The following RPRD1A variants were observed in gnomAD, a reference collection of about 807,000 sequenced individuals.
RPRD1A encodes the protein regulation of nuclear pre-mRNA domain-containing protein 1A.
Under a neutral mutation model 37.8 loss-of-function variants are expected in RPRD1A, and 9 were observed. The observed-to-expected ratio is 0.24, with a 90% CI of 0.14 to 0.42. The LOEUF is 0.42. Among genes scored for constraint, RPRD1A ranks in the 10% least tolerant of loss-of-function variants. The pLI is 1.00. For synonymous variants in RPRD1A, 138 were observed against 139.7 expected, an observed-to-expected ratio of 0.99 and a Z score of 0.08; for missense variants, 255 against 371.0, an observed-to-expected ratio of 0.69 and a Z score of 2.57.
chr18:36,027,068 T>A lies in RPRD1A; in HGVS notation c.621A>T (p.Glu207Asp). The A allele has an allele frequency of 6.2e-7, 1 of 1,613,884 alleles. No individual in the cohort carries two copies. The highest frequency in any genetic ancestry group is 8.5e-7 in the Non-Finnish European group (1 of 1,179,820). ...CCATTTTGGAAAGCCTTTCTCCAGA[T>A]TCTTTATCTAAGAAAAGCACGGGAT... ...VSLLDKITDK[E>D]SGERLSKMVE... Residue 207 changes from glutamate (E) to aspartate (D), a missense_variant, in exon 6 of 7, where the codon GAA becomes GAT. By Grantham distance (45) the Glu-to-Asp change is conservative (BLOSUM62 2). This residue lies in a region of RPRD1A where 211 missense variants were observed against 268.9 expected (regional missense o/e 0.78). Transcript: ENST00000399022.
intron 6 of RPRD1A, among the ~76,000 whole-genome samples, chr18:36,021,154 T>C (rs1910966736): frequency 6.6e-6 from 1 of 152,200 alleles, no homozygotes; most frequent in Non-Finnish European, 1.5e-5. Flanking sequence ...AGCTGCATCT[T>C]ACCAAATTCT....
intron 2 of RPRD1A, among the ~76,000 whole-genome samples, chr18:36,032,445 G>C (rs954214905): frequency 3.9e-5 from 6 of 152,198 alleles, no homozygotes; most frequent in Non-Finnish European, 8.8e-5. Context: ...ACAGAGGTCT[G>C]GGGAGATAGG....
intron 1 of RPRD1A, among the ~76,000 whole-genome samples, chr18:36,035,272 T>C (rs1912109267): frequency 6.6e-6 from 1 of 152,146 alleles, no homozygotes; most frequent in Non-Finnish European, 1.5e-5. Flanking sequence ...ATTATCTAAT[T>C]GGGAGATTGC....
chr18:36,043,195 TC>T (rs1285928747), intron 1 of RPRD1A, among the ~76,000 whole-genome samples: 20 of 50,062 alleles, frequency 4.0e-4, no homozygotes, highest in South Asian at 2.6e-3. Context: ...TCAAGAAGAA[TC>T]GGGGGGGGGG....
intron 6 of RPRD1A, among the ~76,000 whole-genome samples, chr18:35,996,093 GAAT>G (rs1909037358): frequency 6.6e-6 from 1 of 152,136 alleles, no homozygotes; most frequent in South Asian, 2.1e-4. Context: ...AAGAAAATCT[GAAT>G]AAAGTGTGGC....
chr18:36,027,323 C>T lies in RPRD1A; in HGVS notation c.487-13G>A. On this transcript the variant is annotated splice_polypyrimidine_tract_variant and intron_variant, in intron 4 of 6. Coordinates refer to ENST00000399022, the MANE Select transcript of RPRD1A (RefSeq NM_018170.5). ...CGAGATCTAGAGTCTAAAAAGTACA[C>T]AACTTCAGAACCAAAATAAATTGAG... 1 of 1,612,782 alleles carries T rather than the reference C, an allele frequency of 6.2e-7. No homozygotes were observed. Among genetic ancestry groups the T allele is most frequent in the Non-Finnish European group, 8.5e-7 (1 of 1,179,420 alleles).
chr18:36,008,257 A>G (rs1163870336), intron 6 of RPRD1A, among the ~76,000 whole-genome samples: 1 of 152,070 alleles, frequency 6.6e-6, no homozygotes, highest in African/African-American at 2.4e-5. Context: ...TTGGGTGCTT[A>G]AAAAGCATCA....
At chr18:36,036,247 A>T (rs978677966) in intron 1 of RPRD1A, among the ~76,000 whole-genome samples, 68 of 151,928 alleles carry the variant, frequency 4.5e-4, no homozygotes, top group African/African-American at 1.6e-3. Context: ...TAATTTTTTA[A>T]ATTTTTTGTA....
At chr18:36,060,946 T>C (rs1415892190) in intron 1 of RPRD1A, among the ~76,000 whole-genome samples, 4 of 151,668 alleles carry the variant, frequency 2.6e-5, no homozygotes, top group African/African-American at 7.3e-5. Context: ...CTCGGCAACA[T>C]AGTGAGACAC....
chr18:35,999,323 A>T (rs1302714814), intron 6 of RPRD1A, among the ~76,000 whole-genome samples: 3 of 152,188 alleles, frequency 2.0e-5, no homozygotes, highest in Admixed American at 2.0e-4. Context: ...TAAGTCTCAG[A>T]TGCCTCCTTC....
intron 1 of RPRD1A, among the ~76,000 whole-genome samples, chr18:36,060,254 AC>A (rs1156876745): frequency 3.3e-5 from 5 of 151,544 alleles, no homozygotes; most frequent in East Asian, 1.9e-4. Context: ...ACACGGTAAA[AC>A]CCCCATCTCT....
At position 35,990,589 on chromosome 18, in the gene RPRD1A, C is replaced by T. The variant is rs1357855493; in HGVS notation, c.*2562G>A. The T allele has an allele frequency of 3.3e-5, 5 of 152,166 alleles. No homozygotes were observed. Among genetic ancestry groups the T allele is most frequent in the Non-Finnish European group, 7.3e-5 (5 of 68,060 alleles). 9.4% of individuals were successfully genotyped at this position (152,166 alleles called of 1,614,324 possible). A position where few individuals can be genotyped will look rare whatever the true frequency, so the allele number is the denominator to read the frequency against. ...GTTCAGATTGTGACTCCAGACAGCT[C>T]TCTGCACTGTATGTGGAGAAAAGAG... On this transcript the variant is annotated 3_prime_UTR_variant, in exon 7 of 7. Transcript: ENST00000399022.
chr18:36,007,561 T>C (rs1909824074), intron 6 of RPRD1A, among the ~76,000 whole-genome samples: 1 of 152,162 alleles, frequency 6.6e-6, no homozygotes, highest in Admixed American at 6.5e-5. Flanking sequence ...CTGTTACACA[T>C]TTTTGCTTGA....
chr18:36,066,269 C>T (rs1016491069), intron 1 of RPRD1A, among the ~76,000 whole-genome samples: 3 of 152,218 alleles, frequency 2.0e-5, no homozygotes, highest in Non-Finnish European at 4.4e-5. Flanking sequence ...AACATTTTGG[C>T]TCACATTTTG....
intron 6 of RPRD1A, among the ~76,000 whole-genome samples, chr18:36,006,475 C>T (rs913505289): frequency 6.6e-6 from 1 of 152,226 alleles, no homozygotes. Flanking sequence ...GCATTACAGG[C>T]ATGAGCCACT....
intron 6 of RPRD1A, among the ~76,000 whole-genome samples, chr18:36,018,519 C>T (rs913298705): frequency 3.3e-5 from 5 of 152,058 alleles, no homozygotes; most frequent in Non-Finnish European, 7.4e-5. Context: ...GTGATCCACC[C>T]GCCTCGGCCT....
intron 1 of RPRD1A, among the ~76,000 whole-genome samples, chr18:36,065,900 T>C (rs2089020733): frequency 6.6e-6 from 1 of 152,118 alleles, no homozygotes; most frequent in African/African-American, 2.4e-5. Context: ...TGATTTGTAA[T>C]AGTTATTAAG....
At chr18:36,029,533 T>C (rs1297760781) in intron 4 of RPRD1A, among the ~76,000 whole-genome samples, 1 of 152,040 alleles carries the variant, frequency 6.6e-6, no homozygotes, top group Non-Finnish European at 1.5e-5. Context: ...AAGAGTATGG[T>C]TATGTCTTCA....
intron 6 of RPRD1A, among the ~76,000 whole-genome samples, chr18:36,002,659 T>C (rs1030207644): frequency 3.9e-5 from 6 of 152,200 alleles, no homozygotes; most frequent in African/African-American, 9.7e-5. Flanking sequence ...CCCCTTAACA[T>C]TTCAATTATT....
Sources: gnomAD v4.1 joint callset for allele counts (sites outside exome capture counted in the v4.1 genomes callset) on GRCh38, gnomAD v4.1.1 for gene constraint, gnomAD v4.1.1 regional missense constraint, MANE v1.5 for transcripts, NCBI Gene and HGNC (gene_info 2026-07-23, HGNC 2026-07-21) for gene names.